DNAH11: variants seen among roughly 807,000 people sequenced by gnomAD.
The protein encoded by DNAH11 is axonemal beta dynein heavy chain 11.
DNAH11 carries 442 observed loss-of-function variants against 526.0 expected under a neutral mutation model. The ratio of observed to expected loss-of-function variants is 0.84; its 90% CI spans 0.78 to 0.91. The LOEUF (loss-of-function observed/expected upper bound fraction) is 0.91, where lower values mean the gene tolerates loss of function less well. DNAH11 is among the 40% of genes least tolerant of loss of function. The probability of loss-of-function intolerance (pLI) is 0.00; values close to 1 mark genes in which losing one functional copy is unlikely to be tolerated. For missense variants in DNAH11, 6,989 were observed against 5,448.7 expected (o/e 1.28, Z -8.90); for synonymous variants, 2,461 against 1,935.9 (o/e 1.27, Z -7.12).
chr7:21,893,745 CAGAAGAT>C (rs368370633), intron 77 of DNAH11, among the ~76,000 whole-genome samples: 49 of 152,268 alleles, frequency 3.2e-4, no homozygotes, highest in South Asian at 1.7e-3. Flanking sequence ...GCAACAATTA[CAGAAGAT>C]AGAAGTTTCT....
chr7:21,678,132 A>G (rs1447577310), intron 30 of DNAH11, among the ~76,000 whole-genome samples: 2 of 149,776 alleles, frequency 1.3e-5, no homozygotes, highest in African/African-American at 4.9e-5. Flanking sequence ...GTCAAGTCCA[A>G]AAAATCATTG....
chr7:21,739,777 T>G, intron 48 of DNAH11, 104 bp downstream of exon 48: 4 of 841,694 alleles, frequency 4.8e-6, no homozygotes, highest in Non-Finnish European at 7.5e-6. Context: ...ACGTTTCTCA[T>G]GGCAGCTGTA....
chr7:21,811,890 C>A (rs573264478), intron 63 of DNAH11, among the ~76,000 whole-genome samples: 3 of 152,206 alleles, frequency 2.0e-5, no homozygotes, highest in Non-Finnish European at 4.4e-5. Flanking sequence ...GAAATAATTT[C>A]AGATTGTTAC....
chr7:21,606,874 T>G, intron 20 of DNAH11, 141 bp downstream of exon 20: 1 of 730,710 alleles, frequency 1.4e-6, no homozygotes, highest in Non-Finnish European at 2.2e-6. Flanking sequence ...TATAAGCAAT[T>G]TCCCCTTAAG....
Position 21,591,383 on chromosome 7 carries a change from C to T in DNAH11, c.2473C>T (p.His825Tyr). The T allele has an allele frequency of 6.2e-7, 1 of 1,613,878 alleles. No homozygotes were observed. Among genetic ancestry groups the T allele is most frequent in the Non-Finnish European group, 8.5e-7 (1 of 1,179,862 alleles). Residue 825 changes from histidine (H) to tyrosine (Y), a missense_variant, in exon 14 of 82, where the codon CAC becomes TAC. His to Tyr is a moderately conservative substitution (Grantham distance 83, BLOSUM62 2). Coordinates refer to ENST00000409508, the MANE Select transcript of DNAH11 (RefSeq NM_001277115.2). ...GAGGGCAGCCACGTCCGAGTTGGAGCACAGAGTTGAGCGCACACAGAAAAA... is the reference window on the plus strand; with the variant it reads ...GAGGGCAGCCACGTCCGAGTTGGAGTACAGAGTTGAGCGCACACAGAAAAA... ...RVRAATSELE[H>Y]RVERTQKNVK...
intron 63 of DNAH11, among the ~76,000 whole-genome samples, chr7:21,812,398 G>C (rs1449905350): frequency 6.6e-6 from 1 of 152,132 alleles, no homozygotes; most frequent in Non-Finnish European, 1.5e-5. Context: ...TGTCCGCCGG[G>C]TGTGGTGGCT....
chr7:21,570,111 A>G lies in DNAH11; in HGVS notation c.1237A>G (p.Ile413Val). The G allele has an allele frequency of 6.2e-7, 1 of 1,612,562 alleles. No homozygotes were observed. Among genetic ancestry groups the G allele is most frequent in the East Asian group, 2.2e-5 (1 of 44,806 alleles). The change falls in exon 7 of 82, where the codon ATA becomes GTA. Residue 413 changes from isoleucine to valine, a missense_variant. Physicochemically the swap from Ile to Val is conservative, Grantham distance 29. Transcript: ENST00000409508. ...LSPEDLLRGE[I>V]EESLEKVQVA... ...ACCTGAGGACCTTTTGAGGGGAGAAATAGAAGAGTCACTGGAAAAGGTGCA... is the reference window on the plus strand; with the variant it reads ...ACCTGAGGACCTTTTGAGGGGAGAAGTAGAAGAGTCACTGGAAAAGGTGCA...
chr7:21,784,385 T>C, intron 57 of DNAH11, 42 bp from the exon 58 acceptor site: 1 of 1,442,926 alleles, frequency 6.9e-7, no homozygotes, highest in Non-Finnish European at 9.7e-7. Context: ...ATATCTGTGA[T>C]AATAATTTAT....
chr7:21,697,971 T>C, intron 35 of DNAH11, 104 bp from the exon 36 acceptor site: 1 of 1,209,772 alleles, frequency 8.3e-7, no homozygotes, highest in Non-Finnish European at 1.2e-6. Flanking sequence ...TATGATCTGC[T>C]TAGGAATGGT....
At position 21,708,709 on chromosome 7, in the gene DNAH11, C is replaced by T. The variant is rs117864432; in HGVS notation, c.6683+874C>T. 5.7e-3 allele frequency among the ~76,000 whole-genome samples: 872 copies of T among 152,290 alleles called. 6 individuals carry two copies. The highest frequency in any genetic ancestry group is 8.8e-3 in the Non-Finnish European group (600 of 68,024). ...ATTCATTCTGGCCTCTTTGCTATTC[C>T]TTGAACTTGCTCCCATCACGGGGCC... is the stretch of plus-strand genomic sequence containing the variant. On this transcript the variant is annotated intron_variant, in intron 40 of 81. Coordinates refer to ENST00000409508, the MANE Select transcript of DNAH11 (RefSeq NM_001277115.2).
At chr7:21,604,977 C>T (rs756801843) in intron 18 of DNAH11, among the ~76,000 whole-genome samples, 12 of 152,204 alleles carry the variant, frequency 7.9e-5, no homozygotes, top group Non-Finnish European at 1.6e-4. Context: ...TTTGGTATTC[C>T]TGTCATGTCA....
chr7:21,822,353 A>C (rs535477557), intron 65 of DNAH11, among the ~76,000 whole-genome samples: 1 of 152,170 alleles, frequency 6.6e-6, no homozygotes, highest in African/African-American at 2.4e-5. Flanking sequence ...GCTCTTTTAA[A>C]CAACCATATT....
At chr7:21,728,674 A>C (rs549861522) in intron 45 of DNAH11, among the ~76,000 whole-genome samples, 1 of 152,218 alleles carries the variant, frequency 6.6e-6, no homozygotes, top group African/African-American at 2.4e-5. Context: ...GAATTGAGGT[A>C]CAATTCATCC....
chr7:21,692,862 A>G (rs1393318596), intron 35 of DNAH11, among the ~76,000 whole-genome samples: 1 of 152,146 alleles, frequency 6.6e-6, no homozygotes, highest in African/African-American at 2.4e-5. Context: ...TTTTTAGCCA[A>G]TCTAATAGAT....
intron 65 of DNAH11, among the ~76,000 whole-genome samples, chr7:21,839,130 G>A (rs74676405): frequency 0.053 from 8,109 of 152,068 alleles, 371 homozygotes; most frequent in East Asian, 0.24. Context: ...TTGGTCATTT[G>A]TGTTTCTTCT....
chr7:21,604,434 C>A (rs1329094545), intron 18 of DNAH11, among the ~76,000 whole-genome samples: 2 of 152,176 alleles, frequency 1.3e-5, no homozygotes, highest in Non-Finnish European at 2.9e-5. Context: ...TATCCAGTCC[C>A]TTTTCTGCTC....
Position 21,570,286 on chromosome 7 carries a change from T to G in DNAH11, c.1412T>G (p.Leu471Ter), listed in dbSNP as rs764075786. The change falls in exon 7 of 82, where the codon TTA (leucine) becomes TGA (stop). Residue 471 changes from leucine (L) to a stop codon, truncating the protein, a stop_gained. Coordinates refer to ENST00000409508, the MANE Select transcript of DNAH11 (RefSeq NM_001277115.2). LOFTEE classifies it high-confidence loss of function. ...FCRFDKFLDR[L>*]IKIEDIFATT... ...AGATTTGACAAGTTTCTTGATCGTT[T>G]AATAAAAATAGAGGTATTCATTTTT... 3.7e-6 allele frequency: 6 copies of G among 1,604,016 alleles called. No homozygotes were observed. The highest frequency in any genetic ancestry group is 5.1e-6 in the Non-Finnish European group (6 of 1,177,052).
rs1387044605 is a variant in DNAH11, at chr7:21,707,807, C to T, written c.6655C>T (p.His2219Tyr). 1 of 1,605,976 alleles carries T rather than the reference C, an allele frequency of 6.2e-7. No individual in the cohort carries two copies. Among genetic ancestry groups the T allele is most frequent in the Non-Finnish European group, 8.5e-7 (1 of 1,177,206 alleles). The change falls in exon 40 of 82, where the codon CAT becomes TAT. Residue 2219 changes from histidine (H) to tyrosine (Y), a missense_variant. Coordinates refer to ENST00000409508, the MANE Select transcript of DNAH11 (RefSeq NM_001277115.2). ...TTDELFGFIH[H>Y]ATREWKDGKI... is the part of the protein sequence containing the mutation. ...AGATGAACTCTTTGGTTTCATACAT[C>T]ATGCTACCCGAGAATGGAAAGATGG...
intron 46 of DNAH11, among the ~76,000 whole-genome samples, chr7:21,738,386 C>T (rs564303071): frequency 1.1e-4 from 17 of 152,166 alleles, no homozygotes; most frequent in South Asian, 4.2e-4. Flanking sequence ...AGAATGGGTA[C>T]GGGGGAGGAA....
Sources: gnomAD v4.1 joint callset for allele counts (sites outside exome capture counted in the v4.1 genomes callset) on GRCh38, gnomAD v4.1.1 for gene constraint, MANE v1.5 for transcripts, NCBI Gene and HGNC (gene_info 2026-07-23, HGNC 2026-07-21) for gene names.